Variants in PPP1R12B observed in about 807,000 individuals in gnomAD.
The protein encoded by PPP1R12B is protein phosphatase 1 regulatory subunit 12B, also known as myosin phosphatase target subunit 2.
PPP1R12B carries 76 observed loss-of-function variants against 126.1 expected under a neutral mutation model. That is an observed-to-expected ratio of 0.60 (90% CI 0.50 to 0.73). PPP1R12B has a LOEUF of 0.73. Ranked by LOEUF, PPP1R12B falls within the 30% of genes least tolerant of loss-of-function variation. The probability of loss-of-function intolerance (pLI) is 0.00; values close to 1 mark genes in which losing one functional copy is unlikely to be tolerated. For missense variants in PPP1R12B, 1,052 were observed against 1,205.1 expected (o/e 0.87, Z 1.88); for synonymous variants, 356 against 434.7 (o/e 0.82, Z 2.25).
intron 13 of PPP1R12B, among the ~76,000 whole-genome samples, chr1:202,458,693 GA>G (rs1176027482): frequency 6.6e-6 from 1 of 152,162 alleles, no homozygotes; most frequent in East Asian, 1.9e-4. Flanking sequence ...CAGATGTTTT[GA>G]AAACAGCTAA....
rs1689751061 is a variant in PPP1R12B, at chr1:202,585,272, C to T, written c.*4712C>T. 2 of 152,332 alleles carry T rather than the reference C, an allele frequency of 1.3e-5. No homozygotes were observed. Among genetic ancestry groups the T allele is most frequent in the Admixed American group, 6.5e-5 (1 of 15,292 alleles). 9.4% of individuals were successfully genotyped at this position (152,332 alleles called of 1,614,324 possible). The stretch of plus-strand genomic sequence containing the variant: ...TGGGCCTCCCAAAGCGATAGGATTA[C>T]AGGCGTAAGGGCCCACGCCCAGCCT... On this transcript the variant is annotated 3_prime_UTR_variant, in exon 24 of 24. Coordinates refer to ENST00000608999, the MANE Select transcript of PPP1R12B (RefSeq NM_002481.4).
At position 202,584,073 on chromosome 1, in the gene PPP1R12B, G is replaced by C. The variant is rs147004023; in HGVS notation, c.*3513G>C. 6.6e-6 allele frequency: 1 copy of C among 152,148 alleles called. No homozygotes were observed. The highest frequency in any genetic ancestry group is 2.4e-5 in the African/African-American group (1 of 41,422). The allele number at this position is 152,148 out of a possible 1,614,324, so 9.4% of individuals were successfully genotyped here. On this transcript the variant is annotated 3_prime_UTR_variant, in exon 24 of 24. Coordinates refer to ENST00000608999, the MANE Select transcript of PPP1R12B (RefSeq NM_002481.4). Reference sequence around the variant, plus strand: ...GCCCCATCCCAATCTCTAGCGAAAGGGTTATGCAAATCTCAGGGTGTTGCC... The same window carrying C: ...GCCCCATCCCAATCTCTAGCGAAAGCGTTATGCAAATCTCAGGGTGTTGCC...
chr1:202,562,143 ACT>A (rs1398507360), intron 19 of PPP1R12B, among the ~76,000 whole-genome samples: 1 of 152,154 alleles, frequency 6.6e-6, no homozygotes, highest in Non-Finnish European at 1.5e-5. Flanking sequence ...ACCACTATCA[ACT>A]CTAAGAGCTC....
intron 1 of PPP1R12B, among the ~76,000 whole-genome samples, chr1:202,393,478 T>C (rs1335454478): frequency 6.6e-6 from 1 of 151,822 alleles, no homozygotes; most frequent in African/African-American, 2.4e-5. Context: ...CTTTCAAGCA[T>C]GGATATTGAT....
At chr1:202,470,871 A>G (rs989312057) in intron 13 of PPP1R12B, among the ~76,000 whole-genome samples, 1 of 151,108 alleles carries the variant, frequency 6.6e-6, no homozygotes, top group Admixed American at 6.6e-5. Context: ...TGCCAGCTGT[A>G]CTCCAGCCTG....
intron 13 of PPP1R12B, among the ~76,000 whole-genome samples, chr1:202,485,737 T>A (rs1471172647): frequency 3.9e-5 from 6 of 152,168 alleles, no homozygotes; most frequent in Non-Finnish European, 8.8e-5. Flanking sequence ...CTCTCCCGAG[T>A]ACTTCTTTGG....
intron 13 of PPP1R12B, 25 bp from the exon 14 acceptor site, chr1:202,488,508 T>A: frequency 6.5e-7 from 1 of 1,530,144 alleles, no homozygotes; most frequent in South Asian, 1.2e-5. Context: ...ATCTTGCTTT[T>A]GCTATTACTT....
At chr1:202,556,263 T>C (rs2148997218) in intron 18 of PPP1R12B, among the ~76,000 whole-genome samples, 1 of 152,300 alleles carries the variant, frequency 6.6e-6, no homozygotes, top group Non-Finnish European at 1.5e-5. Context: ...TCCTTGTAGT[T>C]ATCACAGTTA....
intron 1 of PPP1R12B, among the ~76,000 whole-genome samples, chr1:202,400,192 T>G (rs1462148216): frequency 1.3e-5 from 2 of 152,244 alleles, no homozygotes; most frequent in African/African-American, 4.8e-5. Flanking sequence ...GCACATGATT[T>G]TGTTCCTTTT....
At chr1:202,522,389 T>C (rs1214754525) in intron 18 of PPP1R12B, among the ~76,000 whole-genome samples, 1 of 151,952 alleles carries the variant, frequency 6.6e-6, no homozygotes, top group Non-Finnish European at 1.5e-5. Flanking sequence ...TTATAGACTT[T>C]TAAAAAATAT....
chr1:202,378,855 T>C (rs572808048), intron 1 of PPP1R12B, among the ~76,000 whole-genome samples: 69 of 152,348 alleles, frequency 4.5e-4, no homozygotes, highest in African/African-American at 1.6e-3. Flanking sequence ...AAAACGCTTA[T>C]TCTTTGGCTT....
intron 21 of PPP1R12B, among the ~76,000 whole-genome samples, chr1:202,566,007 A>G (rs1358862306): frequency 6.6e-6 from 1 of 152,162 alleles, no homozygotes; most frequent in Non-Finnish European, 1.5e-5. Context: ...TACAGATCTT[A>G]TGCTGGTTCT....
chr1:202,423,356 A>C (rs1182434678), intron 3 of PPP1R12B, among the ~76,000 whole-genome samples: 1 of 151,280 alleles, frequency 6.6e-6, no homozygotes, highest in Non-Finnish European at 1.5e-5. Flanking sequence ...TTTTTTTTTT[A>C]GTCCTTCTGC....
At chr1:202,557,043 A>T (rs1687023292) in intron 18 of PPP1R12B, among the ~76,000 whole-genome samples, 1 of 152,226 alleles carries the variant, frequency 6.6e-6, no homozygotes, top group Non-Finnish European at 1.5e-5. Context: ...GCTGAAGTGC[A>T]GTGGCACAAA....
At chr1:202,368,126 C>T (rs1659590769) in intron 1 of PPP1R12B, among the ~76,000 whole-genome samples, 1 of 152,030 alleles carries the variant, frequency 6.6e-6, no homozygotes, top group Non-Finnish European at 1.5e-5. Context: ...CCTGCCACCA[C>T]ACCCGGCTAA....
At chr1:202,459,820 C>T (rs937227815) in intron 13 of PPP1R12B, among the ~76,000 whole-genome samples, 31 of 152,214 alleles carry the variant, frequency 2.0e-4, no homozygotes, top group African/African-American at 2.4e-5. Flanking sequence ...CAGAATGCAA[C>T]AGTCTCTATC....
chr1:202,381,397 GGT>G (rs773680210), intron 1 of PPP1R12B, among the ~76,000 whole-genome samples: 774 of 23,290 alleles, frequency 0.033, 18 homozygotes, highest in African/African-American at 0.081. Flanking sequence ...TGAGCTTTGG[GGT>G]GTGTGTGTGT....
intron 18 of PPP1R12B, among the ~76,000 whole-genome samples, chr1:202,543,854 T>C (rs1685385667): frequency 6.6e-6 from 1 of 152,246 alleles, no homozygotes; most frequent in African/African-American, 2.4e-5. Flanking sequence ...ATAAGTGGTA[T>C]GCTCCTAATA....
intron 13 of PPP1R12B, among the ~76,000 whole-genome samples, chr1:202,473,289 A>G (rs1676175348): frequency 6.6e-6 from 1 of 152,234 alleles, no homozygotes; most frequent in Middle Eastern, 3.2e-3. Flanking sequence ...ATCTGTAGCT[A>G]GCTTATCAAA....
Sources: gnomAD v4.1 joint callset for allele counts (sites outside exome capture counted in the v4.1 genomes callset) on GRCh38, gnomAD v4.1.1 for gene constraint, MANE v1.5 for transcripts, NCBI Gene and HGNC (gene_info 2026-07-23, HGNC 2026-07-21) for gene names.